Variants in ATG12 observed in about 807,000 individuals in gnomAD.
The protein encoded by ATG12 is autophagy related 12.
A neutral mutation model predicts 17.6 loss-of-function variants in ATG12; 19 were observed. The ratio of observed to expected loss-of-function variants is 1.08; its 90% CI spans 0.75 to 1.58. The LOEUF (loss-of-function observed/expected upper bound fraction) is 1.58. Among genes scored for constraint, ATG12 ranks in the 40% most tolerant of loss-of-function variants. ATG12 has a pLI of 0.00. For synonymous variants in ATG12, 75 were observed against 62.4 expected (o/e 1.20, Z -0.95); for missense variants, 214 against 162.0 (o/e 1.32, Z -1.74).
At chr5:115,837,903 T>A in intron 1 of ATG12, 139 bp from the exon 2 acceptor site, 1 of 701,166 alleles carries the variant, frequency 1.4e-6, no homozygotes, top group Non-Finnish European at 2.1e-6. Flanking sequence ...GTGAGAGATG[T>A]AAAAATGTTA....
intron 2 of ATG12, chr5:115,832,961 G>A (rs1760949314): frequency 4.2e-6 from 1 of 237,756 alleles, no homozygotes; most frequent in Admixed American, 5.6e-5. Context: ...GGCTATTCAA[G>A]AAATTACATT....
intron 3 of ATG12, 24 bp from the exon 4 acceptor site, chr5:115,831,887 T>C: frequency 3.9e-6 from 6 of 1,542,454 alleles, no homozygotes; most frequent in Non-Finnish European, 5.2e-6. Flanking sequence ...AGGCAATAAA[T>C]CAAACTCAAT....
At chr5:115,839,365 AG>A (rs1410117809) in intron 1 of ATG12, 1 of 152,198 alleles carries the variant, frequency 6.6e-6, no homozygotes, top group Non-Finnish European at 1.5e-5. Flanking sequence ...TCCTAGGTCC[AG>A]TTATCTTAGG....
chr5:115,838,602 G>GT (rs1208873097), intron 1 of ATG12: 1 of 152,164 alleles, frequency 6.6e-6, no homozygotes, highest in Admixed American at 6.5e-5. Flanking sequence ...TATGCTGTTT[G>GT]TAACTACCAA....
intron 2 of ATG12, among the ~76,000 whole-genome samples, chr5:115,836,947 C>G (rs999910319): frequency 6.6e-6 from 1 of 152,096 alleles, no homozygotes; most frequent in African/African-American, 2.4e-5. Flanking sequence ...TTTCCTAGTT[C>G]TTTCACAATA....
At position 115,831,537 on chromosome 5, in the gene ATG12, G is replaced by A. The variant is rs1441924174; in HGVS notation, c.*267C>T. ...TCTTAGTCTCCTTTTCAACCTTGGA[G>A]GCAGATCTGCAGCAATAATAGTAAC... On this transcript the variant is annotated 3_prime_UTR_variant, in exon 4 of 4. Transcript: ENST00000509910. 5 of 526,280 alleles carry A rather than the reference G, an allele frequency of 9.5e-6. No homozygotes were observed. Among genetic ancestry groups the A allele is most frequent in the African/African-American group, 1.9e-5 (1 of 51,508 alleles). 32.6% of individuals were successfully genotyped at this position (526,280 alleles called of 1,614,324 possible).
At chr5:115,832,717 G>A (rs957468423) in intron 2 of ATG12, 53 bp from the exon 3 acceptor site, 7 of 1,404,720 alleles carry the variant, frequency 5.0e-6, no homozygotes, top group South Asian at 1.6e-5. Context: ...TGATTAATCT[G>A]CATTTTTCTG....
intron 1 of ATG12, among the ~76,000 whole-genome samples, chr5:115,839,850 T>C (rs1249841796): frequency 1.3e-5 from 2 of 152,240 alleles, no homozygotes; most frequent in Non-Finnish European, 2.9e-5. Context: ...AAGTTTTATA[T>C]TGGAGAGGCA....
At position 115,841,513 on chromosome 5, in the gene ATG12, A is replaced by C; in HGVS notation, c.40T>G (p.Ser14Ala). ...EPQSVLQLPTSIAAGGEGLTD... is the reference protein window; with the variant it reads ...EPQSVLQLPTAIAAGGEGLTD... ...AGTCCTTCCCCTCCAGCAGCAATTG[A>C]AGTAGGAAGCTGCAACACAGACTGC... Residue 14 changes from serine (S) to alanine (A), a missense_variant, in exon 1 of 4, where the codon TCA becomes GCA. Transcript: ENST00000509910. The C allele has an allele frequency of 6.2e-7, 1 of 1,612,480 alleles. No individual in the cohort carries two copies. Among genetic ancestry groups the C allele is most frequent in the South Asian group, 1.1e-5 (1 of 91,012 alleles).
At chr5:115,832,555 AAGC>A in intron 3 of ATG12, 44 bp downstream of exon 3, 2 of 1,505,614 alleles carry the variant, frequency 1.3e-6, no homozygotes, top group Non-Finnish European at 1.8e-6. Context: ...TAAGAAAAAA[AAGC>A]AGTAATTTCT....
rs1354582954 is a variant in ATG12, at chr5:115,828,210, A to T, written c.*3594T>A. The stretch of plus-strand genomic sequence containing the variant: ...AGAACAGGGACTTTATTAGTCTCTT[A>T]TGAGCTTTATTAGTGTTATTCCAAT... On this transcript the variant is annotated 3_prime_UTR_variant, in exon 4 of 4. Transcript: ENST00000509910. 1.3e-5 allele frequency: 2 copies of T among 152,190 alleles called. No individual in the cohort carries two copies. The highest frequency in any genetic ancestry group is 4.1e-4 in the South Asian group (2 of 4,834). 9.4% of individuals were successfully genotyped at this position (152,190 alleles called of 1,614,324 possible). A position where few individuals can be genotyped will look rare whatever the true frequency, so the allele number is the denominator to read the frequency against.
rs991228709 is a variant in ATG12, at chr5:115,828,411, A to G, written c.*3393T>C. ...ATTTCCCCACAACTCTGCTAATAGC[A>G]AGATGTACATTATTTTTATTGTCAG... On this transcript the variant is annotated 3_prime_UTR_variant, in exon 4 of 4. Coordinates refer to ENST00000509910, the MANE Select transcript of ATG12 (RefSeq NM_004707.4). The G allele has an allele frequency of 6.6e-6, 1 of 152,250 alleles. No homozygotes were observed. Among genetic ancestry groups the G allele is most frequent in the Admixed American group, 6.5e-5 (1 of 15,288 alleles). 9.4% of individuals were successfully genotyped at this position (152,250 alleles called of 1,614,324 possible). A position where few individuals can be genotyped will look rare whatever the true frequency, so the allele number is the denominator to read the frequency against.
At position 115,830,375 on chromosome 5, in the gene ATG12, T is replaced by C. The variant is rs1760819603; in HGVS notation, c.*1429A>G. The stretch of plus-strand genomic sequence containing the variant: ...AACATATTTTTATTTGTTAAATATA[T>C]GAATATAATTAAATATATTCCTTCA... On this transcript the variant is annotated 3_prime_UTR_variant, in exon 4 of 4. Coordinates refer to ENST00000509910, the MANE Select transcript of ATG12 (RefSeq NM_004707.4). 6.6e-6 allele frequency: 1 copy of C among 152,246 alleles called. No individual in the cohort carries two copies. Among genetic ancestry groups the C allele is most frequent in the Admixed American group, 6.5e-5 (1 of 15,296 alleles). 9.4% of individuals were successfully genotyped at this position (152,246 alleles called of 1,614,324 possible).
rs117682675 is a variant in ATG12, at chr5:115,837,401, T to A, written c.300+227A>T. Among the ~76,000 whole-genome samples the A allele has an allele frequency of 1.0e-3, 157 of 151,892 alleles. No homozygotes were observed. The East Asian group carries it at 0.019, about 19-fold the overall frequency. On this transcript the variant is annotated intron_variant, in intron 2 of 3. Transcript: ENST00000509910. ...AGGGTGGCTGAGGCAGGAGAATCGC[T>A]TGAACCAGGAGGAGAAGGTTGCAGT...
rs541677648 is a variant in ATG12, at chr5:115,832,537, T to C, written c.363+65A>G. On this transcript the variant is annotated intron_variant, in intron 3 of 3. Transcript: ENST00000509910. Reference sequence around the variant, plus strand: ...AATATACATATTATACAGATGTGCATACTCGATTAAGAAAAAAAAGCAGTA... The same window carrying C: ...AATATACATATTATACAGATGTGCACACTCGATTAAGAAAAAAAAGCAGTA... The C allele has an allele frequency of 1.4e-3, 1,974 of 1,428,672 alleles. 4 individuals are homozygous for C. The highest frequency in any genetic ancestry group is 1.8e-3 in the Non-Finnish European group (1,914 of 1,082,138). The allele number at this position is 1,428,672 out of a possible 1,614,324, so 88.5% of individuals were successfully genotyped here.
rs35337050 is a variant in ATG12, at chr5:115,830,120, TAAAAAAAAAAA to T, written c.*1673_*1683del. The T allele has an allele frequency of 9.6e-6, 1 of 104,238 alleles. No individual in the cohort carries two copies. 6.5% of individuals were successfully genotyped at this position (104,238 alleles called of 1,614,324 possible). A position where few individuals can be genotyped will look rare whatever the true frequency, so the allele number is the denominator to read the frequency against. On this transcript the variant is annotated 3_prime_UTR_variant, in exon 4 of 4. Coordinates refer to ENST00000509910, the MANE Select transcript of ATG12 (RefSeq NM_004707.4). ...CAACAAGACCGAAACGCTGTCTCTT[TAAAAAAAAAAA>T]AAAAAAAAAAAAGTGCAAAGTCCTA...
rs76064846 is a variant in ATG12, at chr5:115,840,771, G to A, written c.163+619C>T. ...CTTTTACAAAGGGAAACATTCTCAA[G>A]CAATAAAGGGTTGAGGATAGCTGAC... On this transcript the variant is annotated intron_variant, in intron 1 of 3. Transcript: ENST00000509910. 7.4e-4 allele frequency: 868 copies of A among 1,169,126 alleles called. 9 individuals are homozygous for A. In the Admixed American group the frequency reaches 0.015, roughly 20 times the overall value. The allele number at this position is 1,169,126 out of a possible 1,614,324, so 72.4% of individuals were successfully genotyped here.
chr5:115,839,039 C>T (rs760154464), intron 1 of ATG12: 1 of 150,014 alleles, frequency 6.7e-6, no homozygotes, highest in Non-Finnish European at 1.5e-5. Flanking sequence ...AGGGGAATAG[C>T]TTGAACCCGG....
intron 1 of ATG12, chr5:115,840,943 G>A (rs533163425): frequency 1.6e-6 from 2 of 1,239,758 alleles, no homozygotes; most frequent in Non-Finnish European, 2.1e-6. Context: ...AACTGGGAGG[G>A]GGAAAAAAGC....
Sources: gnomAD v4.1 joint callset for allele counts (sites outside exome capture counted in the v4.1 genomes callset) on GRCh38, gnomAD v4.1.1 for gene constraint, MANE v1.5 for transcripts, NCBI Gene and HGNC (gene_info 2026-07-23, HGNC 2026-07-21) for gene names.